The following RNGTT variants were observed in gnomAD, a reference collection of about 807,000 sequenced individuals.
RNGTT encodes the protein mRNA-capping enzyme.
A neutral mutation model predicts 79.3 loss-of-function variants in RNGTT; 33 were observed. That is an observed-to-expected ratio of 0.42 (90% CI 0.32 to 0.56). The LOEUF is 0.56. Ranked by LOEUF, RNGTT falls within the 20% of genes least tolerant of loss-of-function variation. The pLI is 0.17. For synonymous variants in RNGTT, 222 were observed against 235.9 expected, an observed-to-expected ratio of 0.94 and a Z score of 0.54; for missense variants, 497 against 739.1, an observed-to-expected ratio of 0.67 and a Z score of 3.80.
At chr6:88,957,770 G>A (rs1333803560) in intron 1 of RNGTT, among the ~76,000 whole-genome samples, 2 of 152,140 alleles carry the variant, frequency 1.3e-5, no homozygotes, top group East Asian at 1.9e-4. Context: ...GCTCATAGAT[G>A]GGTATAATCA....
intron 13 of RNGTT, among the ~76,000 whole-genome samples, chr6:88,724,469 G>A (rs1049829495): frequency 3.9e-5 from 6 of 152,076 alleles, no homozygotes; most frequent in African/African-American, 1.4e-4. Flanking sequence ...ATATAGCCTA[G>A]GTGTGTGGTA....
intron 13 of RNGTT, among the ~76,000 whole-genome samples, chr6:88,757,143 T>A (rs779397117): frequency 2.0e-5 from 3 of 152,140 alleles, no homozygotes; most frequent in Non-Finnish European, 4.4e-5. Flanking sequence ...GGATATGTGA[T>A]CATGTATTTG....
rs542574359 is a variant in RNGTT, at chr6:88,808,181, T to C, written c.1270-6549A>G. Among the ~76,000 whole-genome samples the C allele has an allele frequency of 3.3e-5, 5 of 152,322 alleles. No individual in the cohort carries two copies. The South Asian group carries it at 1.0e-3, about 32-fold the overall frequency. ...TAAGAAATCTGTGTTCCTCTTTCTT[T>C]TCTTACAATATAATTGACTAATTAA... On this transcript the variant is annotated intron_variant, in intron 11 of 15. Coordinates refer to ENST00000369485, the MANE Select transcript of RNGTT (RefSeq NM_003800.5).
chr6:88,634,173 AAT>A (rs1422569692), intron 14 of RNGTT, among the ~76,000 whole-genome samples: 9 of 152,140 alleles, frequency 5.9e-5, no homozygotes, highest in African/African-American at 2.2e-4. Flanking sequence ...CAACACAACT[AAT>A]AGGAACTCAA....
intron 13 of RNGTT, among the ~76,000 whole-genome samples, chr6:88,765,838 G>A (rs1778441711): frequency 6.6e-6 from 1 of 152,100 alleles, no homozygotes; most frequent in African/African-American, 2.4e-5. Flanking sequence ...ACTTTGCTGT[G>A]CTCTTGCTCT....
chr6:88,916,394 G>A (rs1257504311), intron 4 of RNGTT, among the ~76,000 whole-genome samples: 1 of 152,190 alleles, frequency 6.6e-6, no homozygotes, highest in African/African-American at 2.4e-5. Context: ...GATCGCTTGA[G>A]TCCAGGAGGT....
At chr6:88,699,109 A>T (rs1775858115) in intron 13 of RNGTT, among the ~76,000 whole-genome samples, 1 of 152,174 alleles carries the variant, frequency 6.6e-6, no homozygotes, top group Non-Finnish European at 1.5e-5. Context: ...TAATAATAAT[A>T]ATATTTTTCC....
intron 14 of RNGTT, among the ~76,000 whole-genome samples, chr6:88,658,136 A>G (rs1774049764): frequency 1.3e-5 from 2 of 152,202 alleles, no homozygotes; most frequent in African/African-American, 4.8e-5. Flanking sequence ...TCTGGAGGCC[A>G]GCCAACTCAA....
At chr6:88,710,867 A>G (rs1279334182) in intron 13 of RNGTT, among the ~76,000 whole-genome samples, 1 of 152,204 alleles carries the variant, frequency 6.6e-6, no homozygotes, top group African/African-American at 2.4e-5. Context: ...AAGTTAGACT[A>G]TCTTTAGTAA....
chr6:88,697,887 AT>A (rs1275023114), intron 13 of RNGTT, among the ~76,000 whole-genome samples: 157 of 84,524 alleles, frequency 1.9e-3, no homozygotes, highest in African/African-American at 0.011. Flanking sequence ...AAATATATAT[AT>A]GATATATATA....
chr6:88,887,919 C>A (rs1024870540), intron 8 of RNGTT, among the ~76,000 whole-genome samples: 5 of 152,248 alleles, frequency 3.3e-5, no homozygotes, highest in Middle Eastern at 3.4e-3. Flanking sequence ...AGCTCAAGAC[C>A]AGCCTGGGCA....
At chr6:88,823,619 C>T (rs1780565425) in intron 11 of RNGTT, among the ~76,000 whole-genome samples, 1 of 152,028 alleles carries the variant, frequency 6.6e-6, no homozygotes, top group African/African-American at 2.4e-5. Context: ...TGGAAGATTA[C>T]AATTTACTCT....
At chr6:88,623,123 A>C (rs1420719403) in intron 14 of RNGTT, among the ~76,000 whole-genome samples, 1 of 152,040 alleles carries the variant, frequency 6.6e-6, no homozygotes, top group East Asian at 1.9e-4. Context: ...GAAAGGAAGC[A>C]AAAGCAAGTG....
chr6:88,793,646 C>G (rs1407572219), intron 12 of RNGTT, among the ~76,000 whole-genome samples: 1 of 152,152 alleles, frequency 6.6e-6, no homozygotes, highest in Non-Finnish European at 1.5e-5. Flanking sequence ...GGGCAAATCA[C>G]TTGAGGCCAG....
At chr6:88,783,742 T>A (rs1250208245) in intron 12 of RNGTT, among the ~76,000 whole-genome samples, 3 of 149,922 alleles carry the variant, frequency 2.0e-5, no homozygotes, top group Non-Finnish European at 3.0e-5. Flanking sequence ...GTTGACTCTT[T>A]GTTGTGGGGG....
In RNGTT at chr6:88,670,025, A is replaced by G. The variant is rs551344184; in HGVS notation, c.1506+8328T>C. On this transcript the variant is annotated intron_variant, in intron 14 of 15. Coordinates refer to ENST00000369485, the MANE Select transcript of RNGTT (RefSeq NM_003800.5). The stretch of plus-strand genomic sequence containing the variant: ...GCAGAACTTTGACTGTTAGCCCGGC[A>G]AGAAACCCAGATAAGAAATGCTATT... 2.0e-5 allele frequency among the ~76,000 whole-genome samples: 3 copies of G among 152,368 alleles called. No homozygotes were observed. In the East Asian group the frequency reaches 5.8e-4, roughly 29 times the overall value.
intron 8 of RNGTT, 54 bp from the exon 9 acceptor site, chr6:88,853,818 G>T: frequency 3.6e-6 from 4 of 1,123,202 alleles, no homozygotes; most frequent in Non-Finnish European, 5.1e-6. Context: ...CAAGAACAGG[G>T]TCATGAGAAA....
At chr6:88,914,780 T>C (rs1783945230) in intron 4 of RNGTT, among the ~76,000 whole-genome samples, 1 of 152,126 alleles carries the variant, frequency 6.6e-6, no homozygotes, top group Non-Finnish European at 1.5e-5. Flanking sequence ...AAGTGGGACA[T>C]AATTAAGCTA....
At chr6:88,630,541 A>G (rs1005264346) in intron 14 of RNGTT, among the ~76,000 whole-genome samples, 1 of 152,156 alleles carries the variant, frequency 6.6e-6, no homozygotes, top group South Asian at 2.1e-4. Flanking sequence ...TCACTAGTAG[A>G]TAAATGTTGA....
Sources: gnomAD v4.1 joint callset for allele counts (sites outside exome capture counted in the v4.1 genomes callset) on GRCh38, gnomAD v4.1.1 for gene constraint, MANE v1.5 for transcripts, NCBI Gene and HGNC (gene_info 2026-07-23, HGNC 2026-07-21) for gene names.